The following TNS3 variants were observed in gnomAD, a reference collection of about 807,000 sequenced individuals.
TNS3 encodes the protein tensin-3.
In TNS3, 45 loss-of-function variants were observed where a neutral mutation model predicts 140.9. The observed-to-expected ratio is 0.32, with a 90% CI of 0.25 to 0.41. The LOEUF (loss-of-function observed/expected upper bound fraction) is 0.41, where lower values mean the gene tolerates loss of function less well. Among genes scored for constraint, TNS3 ranks in the 10% least tolerant of loss-of-function variants. The pLI, the probability that TNS3 is intolerant of heterozygous loss-of-function variation, is 1.00. For missense variants in TNS3, 1,716 were observed against 1,906.7 expected (o/e 0.90, Z 1.86); for synonymous variants, 815 against 788.4 (o/e 1.03, Z -0.56).
chr7:47,319,240 G>A lies in TNS3; in HGVS notation c.2651-14237C>T, dbSNP rs534313701. On this transcript the variant is annotated intron_variant, in intron 20 of 30. Coordinates refer to ENST00000311160, the MANE Select transcript of TNS3 (RefSeq NM_022748.12). The stretch of plus-strand genomic sequence containing the variant: ...AGAAAAAGCATCTGCACCTGGTGAG[G>A]GCCTCAGGAAGCTTCCATTGATGTG... Among the ~76,000 whole-genome samples, 10 of 152,272 alleles carry A rather than the reference G, an allele frequency of 6.6e-5. No individual in the cohort carries two copies. The South Asian group carries it at 2.1e-3, about 32-fold the overall frequency.
At chr7:47,479,311 G>A (rs1247148336) in intron 4 of TNS3, among the ~76,000 whole-genome samples, 3 of 152,244 alleles carry the variant, frequency 2.0e-5, no homozygotes, top group Non-Finnish European at 4.4e-5. Flanking sequence ...GCTGCCACCA[G>A]GAAAACAGGC....
At chr7:47,359,982 C>T (rs147418463) in intron 17 of TNS3, among the ~76,000 whole-genome samples, 2 of 152,294 alleles carry the variant, frequency 1.3e-5, no homozygotes, top group African/African-American at 4.8e-5. Flanking sequence ...GTCTTCAGAG[C>T]GCCCACCAAG....
chr7:47,506,208 G>A (rs527524288), intron 3 of TNS3, among the ~76,000 whole-genome samples: 12 of 152,292 alleles, frequency 7.9e-5, no homozygotes, highest in African/African-American at 2.4e-4. Flanking sequence ...TGGGGATTCC[G>A]TAAGTACAGC....
chr7:47,429,058 C>A (rs1423404083), intron 8 of TNS3, among the ~76,000 whole-genome samples: 1 of 152,216 alleles, frequency 6.6e-6, no homozygotes, highest in East Asian at 1.9e-4. Flanking sequence ...CTCTTACAAC[C>A]TACAACAGCA....
intron 1 of TNS3, among the ~76,000 whole-genome samples, chr7:47,564,635 C>CAAAAAAAAAAAAAAAAAAAAAAAAAAAA (rs749603752): frequency 6.6e-5 from 2 of 30,222 alleles, no homozygotes; most frequent in Non-Finnish European, 1.2e-4. Flanking sequence ...GACTCCGTCT[C>CAAAAAAAAAAAAAAAAAAAAAAAAAAAA]AAAAAAAAAA....
At chr7:47,474,915 CCT>C (rs1451202353) in intron 4 of TNS3, among the ~76,000 whole-genome samples, 2 of 150,872 alleles carry the variant, frequency 1.3e-5, no homozygotes, top group Non-Finnish European at 1.5e-5. Context: ...AAAAAAAACA[CCT>C]CACACACACA....
Position 47,532,403 on chromosome 7 carries a change from G to A in TNS3, c.-264-3256C>T, listed in dbSNP as rs116652986. On this transcript the variant is annotated intron_variant, in intron 1 of 30. Coordinates refer to ENST00000311160, the MANE Select transcript of TNS3 (RefSeq NM_022748.12). ...AAGGGCTTTTCCATGTTCAGCCAGA[G>A]CAAGAGAGAGGACAGAGAGAATGGA... 8.7e-4 allele frequency among the ~76,000 whole-genome samples: 132 copies of A among 152,292 alleles called. 1 individual carries two copies. Among genetic ancestry groups the A allele is most frequent in the African/African-American group, 3.1e-3 (128 of 41,574 alleles).
rs576536473 is a variant in TNS3 at position 47,337,739 on chromosome 7, G to C, written c.2650+7016C>G. Among the ~76,000 whole-genome samples the C allele has an allele frequency of 3.3e-5, 5 of 152,328 alleles. No homozygotes were observed. In the South Asian group the frequency reaches 8.3e-4, roughly 25 times the overall value. ...CAGTAATGACCTCACATTGCATGTG[G>C]ATGCCACACCACCACCTTCTGGGAA... On this transcript the variant is annotated intron_variant, in intron 20 of 30. Transcript: ENST00000311160.
chr7:47,463,534 T>C (rs1227297337), intron 4 of TNS3, among the ~76,000 whole-genome samples: 1 of 152,138 alleles, frequency 6.6e-6, no homozygotes, highest in Non-Finnish European at 1.5e-5. Context: ...ACATGCGCTT[T>C]CTCCACCAGG....
rs942012714 is a variant in TNS3, at chr7:47,518,591, G to A, written c.-153+10445C>T. 3.3e-5 allele frequency among the ~76,000 whole-genome samples: 5 copies of A among 152,210 alleles called. No homozygotes were observed. In the South Asian group the frequency reaches 6.2e-4, roughly 19 times the overall value. On this transcript the variant is annotated intron_variant, in intron 2 of 30. Coordinates refer to ENST00000311160, the MANE Select transcript of TNS3 (RefSeq NM_022748.12). Reference sequence around the variant, plus strand: ...CGCCTGAATTCCCAGCACTTTGGGAGGCAAAGTTGGCAGGCTTATTTGAGG... The same window carrying A: ...CGCCTGAATTCCCAGCACTTTGGGAAGCAAAGTTGGCAGGCTTATTTGAGG...
chr7:47,476,578 T>A (rs1312560953), intron 4 of TNS3, among the ~76,000 whole-genome samples: 1 of 152,238 alleles, frequency 6.6e-6, no homozygotes, highest in Non-Finnish European at 1.5e-5. Context: ...CCAATGAGGC[T>A]ATGCTGCAAT....
intron 27 of TNS3, among the ~76,000 whole-genome samples, chr7:47,288,873 A>ATGGC (rs1183058864): frequency 4.6e-5 from 7 of 152,216 alleles, no homozygotes; most frequent in African/African-American, 1.7e-4. Context: ...TCAGGTCCGC[A>ATGGC]TGGCTAAGTG....
intron 27 of TNS3, among the ~76,000 whole-genome samples, chr7:47,290,289 G>C (rs1785626772): frequency 6.6e-6 from 1 of 152,256 alleles, no homozygotes; most frequent in East Asian, 1.9e-4. Context: ...AAATCTAGCT[G>C]GCCTTGGGTT....
At chr7:47,580,564 G>A (rs762877214) in intron 1 of TNS3, among the ~76,000 whole-genome samples, 1 of 120,296 alleles carries the variant, frequency 8.3e-6, no homozygotes, top group Admixed American at 1.2e-4. Flanking sequence ...CTCCATCTCT[G>A]TGTAATGGCC....
chr7:47,484,748 G>C (rs1797549575), intron 3 of TNS3, among the ~76,000 whole-genome samples: 1 of 152,184 alleles, frequency 6.6e-6, no homozygotes, highest in Non-Finnish European at 1.5e-5. Flanking sequence ...GATGGAGCCA[G>C]GTAAGGGAGT....
chr7:47,500,236 G>A (rs925548222), intron 3 of TNS3, among the ~76,000 whole-genome samples: 2 of 151,946 alleles, frequency 1.3e-5, no homozygotes, highest in South Asian at 2.1e-4. Flanking sequence ...CTCTGTGCAC[G>A]GCCGAGAGCT....
intron 1 of TNS3, among the ~76,000 whole-genome samples, chr7:47,558,619 C>T (rs1208891432): frequency 6.6e-6 from 1 of 152,154 alleles, no homozygotes; most frequent in African/African-American, 2.4e-5. Flanking sequence ...ACTCCTGTTT[C>T]GTCGATGGAA....
intron 20 of TNS3, among the ~76,000 whole-genome samples, chr7:47,323,787 A>T (rs1211264717): frequency 6.6e-6 from 1 of 152,238 alleles, no homozygotes; most frequent in Non-Finnish European, 1.5e-5. Context: ...TTATGTATAT[A>T]CCAAGAGCGA....
chr7:47,329,502 G>C (rs187623321), intron 20 of TNS3, among the ~76,000 whole-genome samples: 48 of 152,268 alleles, frequency 3.2e-4, no homozygotes, highest in African/African-American at 1.2e-3. Context: ...ACCCCAAGAG[G>C]GACACGGCTT....
Sources: gnomAD v4.1 joint callset for allele counts (sites outside exome capture counted in the v4.1 genomes callset) on GRCh38, gnomAD v4.1.1 for gene constraint, MANE v1.5 for transcripts, NCBI Gene and HGNC (gene_info 2026-07-23, HGNC 2026-07-21) for gene names.